RRP12: variants seen among roughly 807,000 people sequenced by gnomAD.
RRP12 encodes RRP12-like protein.
RRP12 carries 78 observed loss-of-function variants against 157.3 expected under a neutral mutation model. The observed-to-expected ratio is 0.50, with a 90% CI of 0.41 to 0.60. RRP12 has a LOEUF of 0.60. Among genes scored for constraint, RRP12 ranks in the 20% least tolerant of loss-of-function variants. RRP12 has a pLI of 0.00. For synonymous variants in RRP12, 726 were observed against 670.9 expected (o/e 1.08, Z -1.27); for missense variants, 1,521 against 1,679.9 (o/e 0.91, Z 1.65).
Position 97,366,145 on chromosome 10 carries a change from TG to T in RRP12, c.3479del (p.Ala1160GlufsTer26). The T allele has an allele frequency of 6.2e-7, 1 of 1,606,418 alleles. No homozygotes were observed. The part of the protein sequence containing the change: ...ADGRLIIREE[A>X]DGNKMEEEEG... ...CCTCTTCCTCCATCTTGTTGCCGTCTGCCTCCTCCCTTATGATCAGCCGGCC... is the reference window on the plus strand; with the variant it reads ...CCTCTTCCTCCATCTTGTTGCCGTCTCCTCCTCCCTTATGATCAGCCGGCC... On this transcript the variant is annotated frameshift_variant, in exon 29 of 34. Transcript: ENST00000370992. LOFTEE classifies it high-confidence loss of function.
At chr10:97,375,628 T>C (rs183025380) in intron 15 of RRP12, among the ~76,000 whole-genome samples, 8 of 152,294 alleles carry the variant, frequency 5.3e-5, no homozygotes, top group Non-Finnish European at 2.9e-5. Flanking sequence ...CCAGGGTTTA[T>C]AGGTAACATT....
At chr10:97,385,317 T>C in intron 9 of RRP12, 60 bp from the exon 10 acceptor site, 22 of 1,289,572 alleles carry the variant, frequency 1.7e-5, no homozygotes, top group Non-Finnish European at 2.5e-5. Context: ...CCAGTGATGA[T>C]GACCCCTTCC....
rs139253481 is a variant in RRP12, at chr10:97,369,412, C to T, written c.2955+13G>A. The T allele has an allele frequency of 6.3e-5, 101 of 1,610,374 alleles. No homozygotes were observed. The African/African-American group carries it at 8.9e-4, about 14-fold the overall frequency. Reference sequence around the variant, plus strand: ...CCACCCTGCTACCTGCTAAGGGGAACGGGGACACTCACCACCAGCTGCACA... The same window carrying T: ...CCACCCTGCTACCTGCTAAGGGGAATGGGGACACTCACCACCAGCTGCACA... On this transcript the variant is annotated intron_variant, in intron 25 of 33. Transcript: ENST00000370992.
chr10:97,373,380 C>T (rs1293745118), intron 17 of RRP12, among the ~76,000 whole-genome samples, 180 bp from the exon 18 acceptor site: 3 of 152,172 alleles, frequency 2.0e-5, no homozygotes, highest in Non-Finnish European at 2.9e-5. Context: ...GCCCCAGTGG[C>T]CCATGGTCCT....
chr10:97,400,657 G>T, intron 1 of RRP12, 123 bp from the exon 2 acceptor site: 1 of 739,496 alleles, frequency 1.4e-6, no homozygotes, highest in Non-Finnish European at 2.2e-6. Context: ...TCTGAACACA[G>T]CCAGTCTCAT....
At chr10:97,382,602 G>A (rs534734000) in intron 10 of RRP12, among the ~76,000 whole-genome samples, 16 of 152,270 alleles carry the variant, frequency 1.1e-4, no homozygotes, top group African/African-American at 3.9e-4. Flanking sequence ...AGGCCACCCA[G>A]CTTGGTAATG....
At chr10:97,382,035 CA>C (rs1844482790) in intron 10 of RRP12, among the ~76,000 whole-genome samples, 2 of 152,226 alleles carry the variant, frequency 1.3e-5, no homozygotes, top group African/African-American at 2.4e-5. Context: ...AACAGGTCTT[CA>C]AGGTGTAAAA....
At position 97,356,982 on chromosome 10, in the gene RRP12, T is replaced by C. The variant is rs1251846914; in HGVS notation, c.*112A>G. 6.2e-6 allele frequency: 4 copies of C among 640,244 alleles called. No individual in the cohort carries two copies. The African/African-American group carries it at 7.4e-5, about 12-fold the overall frequency. 39.7% of individuals were successfully genotyped at this position (640,244 alleles called of 1,614,324 possible). The stretch of plus-strand genomic sequence containing the variant: ...AGAGCCAAGCCCTAGTTCCAAGTCA[T>C]CCTGAGTCCAGGCTCTGCCAGAATC... On this transcript the variant is annotated 3_prime_UTR_variant, in exon 34 of 34. Transcript: ENST00000370992.
intron 4 of RRP12, among the ~76,000 whole-genome samples, chr10:97,392,849 C>A (rs1307355171): frequency 6.6e-6 from 1 of 151,872 alleles, no homozygotes. Context: ...TGCCACCATG[C>A]CCAGCTAATT....
At chr10:97,367,281 T>C (rs1026362594) in intron 25 of RRP12, 149 bp from the exon 26 acceptor site, 3 of 656,880 alleles carry the variant, frequency 4.6e-6, no homozygotes, top group Non-Finnish European at 5.3e-6. Flanking sequence ...CCTGGCCCAG[T>C]CATGCTTCCC....
At position 97,397,996 on chromosome 10, in the gene RRP12, T is replaced by TATATAC. The variant is rs1279129349; in HGVS notation, c.370-1696_370-1695insGTATAT. 2.5e-3 allele frequency among the ~76,000 whole-genome samples: 135 copies of TATATAC among 54,072 alleles called. 9 individuals carry two copies. Among genetic ancestry groups the TATATAC allele is most frequent in the East Asian group, 4.0e-3 (9 of 2,250 alleles). The allele number at this position is 54,072 out of a possible 152,430, so 35.5% of individuals were successfully genotyped here. The stretch of plus-strand genomic sequence containing the variant: ...AAAATTGGGTAAAAAAAAATACGTA[T>TATATAC]ATATATATACATATATATATATATA... On this transcript the variant is annotated intron_variant, in intron 2 of 33. Transcript: ENST00000370992.
chr10:97,391,857 T>C (rs189826901), intron 4 of RRP12, among the ~76,000 whole-genome samples: 236 of 150,148 alleles, frequency 1.6e-3, no homozygotes, highest in Non-Finnish European at 2.8e-3. Context: ...GGAGGTGGAG[T>C]TGCAGTGGGA....
At chr10:97,369,310 G>T (rs1405373222) in intron 25 of RRP12, 115 bp downstream of exon 25, 19 of 1,096,548 alleles carry the variant, frequency 1.7e-5, no homozygotes, top group Non-Finnish European at 2.5e-5. Flanking sequence ...GCTCCTTAAT[G>T]ACCTCTGGCT....
At chr10:97,366,274 C>G in intron 28 of RRP12, 41 bp from the exon 29 acceptor site, 1 of 1,605,840 alleles carries the variant, frequency 6.2e-7, no homozygotes, top group South Asian at 1.1e-5. Flanking sequence ...GAAGGCCAGT[C>G]CCATGCTACT....
In RRP12 at chr10:97,370,521, T is replaced by C. The variant is rs780521806; in HGVS notation, c.2623A>G (p.Lys875Glu). 6.2e-7 allele frequency: 1 copy of C among 1,607,910 alleles called. No individual in the cohort carries two copies. ...TCCACGAGCAGTGCAAAAGCGTTCT[T>C]CCGTGCGCCCACCGACACCTCCTTG... ...CTKEVSVGAR[K>E]NAFALLVEMG... Residue 875 changes from lysine (K) to glutamate (E), a missense_variant, in exon 23 of 34, where the codon AAG (lysine) becomes GAG (glutamate). Coordinates refer to ENST00000370992, the MANE Select transcript of RRP12 (RefSeq NM_015179.4).
intron 29 of RRP12, among the ~76,000 whole-genome samples, chr10:97,365,444 T>C (rs890539936): frequency 1.3e-5 from 2 of 151,916 alleles, no homozygotes; most frequent in Non-Finnish European, 2.9e-5. Context: ...CAGCTAATTT[T>C]TTGTGTTTTC....
Position 97,396,210 on chromosome 10 carries a change from C to G in RRP12, c.453+8G>C. ...CTGAACACCCACCCTCCAGTGGCAC[C>G]CACTCACCAGAGCAGCGAAGTACTC... is the stretch of plus-strand genomic sequence containing the variant. On this transcript the variant is annotated splice_region_variant and intron_variant, in intron 3 of 33. Coordinates refer to ENST00000370992, the MANE Select transcript of RRP12 (RefSeq NM_015179.4). 1 of 1,601,486 alleles carries G rather than the reference C, an allele frequency of 6.2e-7. No individual in the cohort carries two copies.
intron 15 of RRP12, among the ~76,000 whole-genome samples, chr10:97,378,774 T>TG (rs1844379633): frequency 6.6e-6 from 1 of 152,066 alleles, no homozygotes; most frequent in African/African-American, 2.4e-5. Flanking sequence ...GGAGAATCAC[T>TG]TGAACCCGGA....
chr10:97,388,645 G>C (rs770898352), intron 6 of RRP12, 21 bp from the exon 7 acceptor site: 1 of 1,612,272 alleles, frequency 6.2e-7, no homozygotes, highest in South Asian at 1.1e-5. Flanking sequence ...AGGAGAGCAG[G>C]AGACAAGGCC....
Sources: gnomAD v4.1 joint callset for allele counts (sites outside exome capture counted in the v4.1 genomes callset) on GRCh38, gnomAD v4.1.1 for gene constraint, MANE v1.5 for transcripts, NCBI Gene and HGNC (gene_info 2026-07-23, HGNC 2026-07-21) for gene names.